TEKT1: variants seen among roughly 807,000 people sequenced by gnomAD.
TEKT1 encodes the protein tektin 1, also known as tektin-1.
In TEKT1, 32 loss-of-function variants were observed where a neutral mutation model predicts 34.8. The ratio of observed to expected loss-of-function variants is 0.92; its 90% CI spans 0.69 to 1.23. The LOEUF is 1.23. Ranked by LOEUF, TEKT1 falls within the 50% of genes most tolerant of loss-of-function variation. The pLI, the probability that TEKT1 is intolerant of heterozygous loss-of-function variation, is 0.00. For synonymous variants in TEKT1, 207 were observed against 199.8 expected, an observed-to-expected ratio of 1.04 and a Z score of -0.30; for missense variants, 492 against 518.5, an observed-to-expected ratio of 0.95 and a Z score of 0.50.
chr17:6,815,396 G>A, intron 4 of TEKT1, 90 bp from the exon 5 acceptor site: 2 of 1,499,202 alleles, frequency 1.3e-6, no homozygotes, highest in Non-Finnish European at 1.9e-6. Flanking sequence ...TGAAGCTGCA[G>A]CTAGGTCTGG....
intron 3 of TEKT1, 108 bp downstream of exon 3, chr17:6,819,085 C>T (rs914855667): frequency 8.0e-6 from 11 of 1,367,040 alleles, no homozygotes; most frequent in Non-Finnish European, 1.0e-5. Flanking sequence ...TAAAAGAACA[C>T]CTGCTCAAGT....
At chr17:6,808,585 G>C (rs1326908327) in intron 6 of TEKT1, among the ~76,000 whole-genome samples, 2 of 152,134 alleles carry the variant, frequency 1.3e-5, no homozygotes, top group Non-Finnish European at 2.9e-5. Context: ...GGCTGGAGCT[G>C]TTCCTATTTG....
chr17:6,823,253 T>C (rs1355319105), intron 2 of TEKT1, among the ~76,000 whole-genome samples: 1 of 152,232 alleles, frequency 6.6e-6, no homozygotes, highest in Admixed American at 6.5e-5. Flanking sequence ...CAGAAGTAAC[T>C]GGATGCATCC....
chr17:6,828,078 G>A lies in TEKT1; in HGVS notation c.190+2109C>T, dbSNP rs184108879. Among the ~76,000 whole-genome samples, 9 of 152,078 alleles carry A rather than the reference G, an allele frequency of 5.9e-5. No homozygotes were observed. In the East Asian group the frequency reaches 9.7e-4, roughly 16 times the overall value. On this transcript the variant is annotated intron_variant, in intron 2 of 7. Coordinates refer to ENST00000338694, the MANE Select transcript of TEKT1 (RefSeq NM_053285.2). ...TCCTGCCTCAGCCTCCTGAGTAACC[G>A]GGACTACAGATGCATGCCACCATGC...
chr17:6,828,465 T>G (rs1904474082), intron 2 of TEKT1, among the ~76,000 whole-genome samples: 1 of 152,220 alleles, frequency 6.6e-6, no homozygotes, highest in Non-Finnish European at 1.5e-5. Context: ...ATAAATAAAT[T>G]AAGTCAGTTA....
chr17:6,830,833 G>T (rs912688854), intron 1 of TEKT1, among the ~76,000 whole-genome samples: 1 of 152,018 alleles, frequency 6.6e-6, no homozygotes, highest in Non-Finnish European at 1.5e-5. Flanking sequence ...ACTGTTTATG[G>T]ATATTTGGGT....
At position 6,817,700 on chromosome 17, in the gene TEKT1, C is replaced by T. The variant is rs187197944; in HGVS notation, c.356+1493G>A. ...GATAGTGCTTGGAAAGGAGGTTCCC[C>T]TACTCACTAGCTGGGTGCCCTTAGC... On this transcript the variant is annotated intron_variant, in intron 3 of 7. Transcript: ENST00000338694. Among the ~76,000 whole-genome samples, 235 of 152,282 alleles carry T rather than the reference C, an allele frequency of 1.5e-3. 1 individual carries two copies. Among genetic ancestry groups the T allele is most frequent in the African/African-American group, 5.5e-3 (228 of 41,544 alleles).
chr17:6,826,483 GA>G lies in TEKT1; in HGVS notation c.190+3703del, dbSNP rs374188878. ...CTAATTTATTGTTTTTCTTTTCTAT[GA>G]ATGCTTCTTTTCAGGCCTGCTTAAG... On this transcript the variant is annotated intron_variant, in intron 2 of 7. Coordinates refer to ENST00000338694, the MANE Select transcript of TEKT1 (RefSeq NM_053285.2). Among the ~76,000 whole-genome samples the G allele has an allele frequency of 5.1e-4, 78 of 151,792 alleles. 2 individuals carry two copies. Among genetic ancestry groups the G allele is most frequent in the East Asian group, 4.5e-3 (23 of 5,168 alleles).
Position 6,799,971 on chromosome 17 carries a change from C to A in TEKT1, c.*56G>T. 6.6e-7 allele frequency: 1 copy of A among 1,525,908 alleles called. No individual in the cohort carries two copies. The highest frequency in any genetic ancestry group is 8.8e-7 in the Non-Finnish European group (1 of 1,131,762). The allele number at this position is 1,525,908 out of a possible 1,614,324, so 94.5% of individuals were successfully genotyped here. On this transcript the variant is annotated 3_prime_UTR_variant, in exon 8 of 8. Coordinates refer to ENST00000338694, the MANE Select transcript of TEKT1 (RefSeq NM_053285.2). ...GCCAGCCTGAAATGAGAGCTCTGTACTACTGTAACTACTGTTTACAATGTG... is the reference window on the plus strand; with the variant it reads ...GCCAGCCTGAAATGAGAGCTCTGTAATACTGTAACTACTGTTTACAATGTG...
In TEKT1 at chr17:6,800,223, G is replaced by C. The variant is rs1466329451; in HGVS notation, c.1061C>G (p.Thr354Ser). Residue 354 changes from threonine (T) to serine (S), a missense_variant, in exon 8 of 8, where the codon ACT becomes AGT. Physicochemically the swap from Thr to Ser is moderately conservative, Grantham distance 58. Coordinates refer to ENST00000338694, the MANE Select transcript of TEKT1 (RefSeq NM_053285.2). The stretch of plus-strand genomic sequence containing the variant: ...CAGCTCTGCCTGAGCTTGGGCTAAA[G>C]TTTCCTTCAATCTAGGAGAAAGGGA... ...ITHNVARLKE[T>S]LAQAQAELKG... 5.6e-6 allele frequency: 9 copies of C among 1,613,500 alleles called. No individual in the cohort carries two copies. Among genetic ancestry groups the C allele is most frequent in the East Asian group, 4.5e-5 (2 of 44,892 alleles).
intron 5 of TEKT1, among the ~76,000 whole-genome samples, chr17:6,814,642 T>G (rs1464159751): frequency 2.6e-5 from 4 of 152,046 alleles, no homozygotes; most frequent in Admixed American, 2.6e-4. Flanking sequence ...ATTGAGACCA[T>G]CCTGGCTAAC....
At chr17:6,813,156 A>ATAGGGTAACATTCTAGG in intron 5 of TEKT1, 103 bp from the exon 6 acceptor site, 1 of 928,098 alleles carries the variant, frequency 1.1e-6, no homozygotes, top group Non-Finnish European at 1.6e-6. Flanking sequence ...ACCACCTAGA[A>ATAGGGTAACATTCTAGG]TGTTACCCTA....
chr17:6,809,487 C>T (rs1294122760), intron 6 of TEKT1, among the ~76,000 whole-genome samples: 1 of 152,208 alleles, frequency 6.6e-6, no homozygotes, highest in Non-Finnish European at 1.5e-5. Flanking sequence ...CCGCCTCAGC[C>T]TCCCAAAGTG....
intron 6 of TEKT1, among the ~76,000 whole-genome samples, chr17:6,807,314 T>A (rs1445835491): frequency 5.9e-5 from 9 of 152,368 alleles, no homozygotes; most frequent in African/African-American, 2.2e-4. Context: ...GGTTTTCAGC[T>A]CCATCAGGTC....
At chr17:6,823,130 C>G (rs75483473) in intron 2 of TEKT1, among the ~76,000 whole-genome samples, 7 of 152,236 alleles carry the variant, frequency 4.6e-5, no homozygotes, top group Middle Eastern at 6.8e-3. Context: ...ATTCATTGAA[C>G]CTTTTAACCT....
intron 2 of TEKT1, among the ~76,000 whole-genome samples, chr17:6,819,848 C>T (rs940211528): frequency 3.9e-5 from 6 of 152,222 alleles, no homozygotes; most frequent in South Asian, 2.1e-4. Context: ...CCACCACACC[C>T]GGCTAATTTT....
At chr17:6,807,237 C>A (rs1197935851) in intron 6 of TEKT1, among the ~76,000 whole-genome samples, 1 of 152,184 alleles carries the variant, frequency 6.6e-6, no homozygotes, top group African/African-American at 2.4e-5. Context: ...ATCACTGATA[C>A]CCTTTCTTCC....
intron 2 of TEKT1, among the ~76,000 whole-genome samples, chr17:6,828,105 C>T (rs1904463356): frequency 6.6e-6 from 1 of 152,004 alleles, no homozygotes; most frequent in Non-Finnish European, 1.5e-5. Context: ...CCACCATGCC[C>T]CACTAATTTT....
chr17:6,804,686 G>A lies in TEKT1; in HGVS notation c.853-3743C>T, dbSNP rs1976822257. Among the ~76,000 whole-genome samples, 4 of 152,130 alleles carry A rather than the reference G, an allele frequency of 2.6e-5. No individual in the cohort carries two copies. The South Asian group carries it at 8.3e-4, about 31-fold the overall frequency. The stretch of plus-strand genomic sequence containing the variant: ...TTAGCATGAAGCGTTGTTGAATTTT[G>A]TCAAAGGCCTTTTCTGCATCTATTG... On this transcript the variant is annotated intron_variant, in intron 6 of 7. Coordinates refer to ENST00000338694, the MANE Select transcript of TEKT1 (RefSeq NM_053285.2).
Sources: allele counts gnomAD v4.1 joint callset (sites outside exome capture counted in the v4.1 genomes callset), GRCh38; gene constraint gnomAD v4.1.1; transcripts MANE v1.5; gene names NCBI Gene and HGNC (gene_info 2026-07-23, HGNC 2026-07-21).